Variants in MTMR12 observed in about 807,000 individuals in gnomAD.
MTMR12 encodes the protein myotubularin related protein 12, also known as myotubularin-related protein 12.
A neutral mutation model predicts 96.7 loss-of-function variants in MTMR12; 33 were observed. The ratio of observed to expected loss-of-function variants is 0.34; its 90% CI spans 0.26 to 0.46. The LOEUF (loss-of-function observed/expected upper bound fraction) is 0.46, where lower values mean the gene tolerates loss of function less well. MTMR12 is among the 20% of genes least tolerant of loss of function. The probability of loss-of-function intolerance (pLI) is 1.00; values close to 1 mark genes in which losing one functional copy is unlikely to be tolerated. For synonymous variants in MTMR12, 298 were observed against 327.2 expected (o/e 0.91, Z 0.96); for missense variants, 721 against 896.1 (o/e 0.80, Z 2.49).
At chr5:32,262,285 T>C (rs960425138) in intron 7 of MTMR12, among the ~76,000 whole-genome samples, 1 of 152,124 alleles carries the variant, frequency 6.6e-6, no homozygotes, top group Non-Finnish European at 1.5e-5. Flanking sequence ...TACACAAAAA[T>C]TTATAATTGA....
chr5:32,246,608 G>A (rs942175814), intron 10 of MTMR12, among the ~76,000 whole-genome samples: 1 of 152,124 alleles, frequency 6.6e-6, no homozygotes, highest in African/African-American at 2.4e-5. Context: ...GCAAATTAAC[G>A]TGGACAGTTT....
intron 8 of MTMR12, among the ~76,000 whole-genome samples, chr5:32,255,188 C>T (rs1193364671): frequency 6.6e-6 from 1 of 152,228 alleles, no homozygotes; most frequent in African/African-American, 2.4e-5. Context: ...CAATTCCCAA[C>T]CACCAATTAG....
intron 1 of MTMR12, among the ~76,000 whole-genome samples, chr5:32,284,152 AT>A (rs35649909): frequency 1.4e-3 from 201 of 145,290 alleles, no homozygotes; most frequent in African/African-American, 1.5e-3. Flanking sequence ...ACAAAAAAAA[AT>A]TTTTTTTTTT....
chr5:32,262,137 C>T (rs1371835150), intron 7 of MTMR12, among the ~76,000 whole-genome samples: 1 of 152,258 alleles, frequency 6.6e-6, no homozygotes, highest in East Asian at 1.9e-4. Flanking sequence ...AACTCTCATA[C>T]ACTGTTGGTA....
intron 6 of MTMR12, among the ~76,000 whole-genome samples, chr5:32,265,829 G>A (rs1282057975): frequency 6.6e-6 from 1 of 152,084 alleles, no homozygotes; most frequent in African/African-American, 2.4e-5. Flanking sequence ...ATTCTCACAA[G>A]ACTTATTGCT....
chr5:32,230,208 A>G lies in MTMR12; in HGVS notation c.1814T>C (p.Leu605Pro), dbSNP rs765570995. Residue 605 changes from leucine (L) to proline (P), a missense_variant, in exon 16 of 16, where the codon CTC (leucine) becomes CCC (proline). Coordinates refer to ENST00000382142, the MANE Select transcript of MTMR12 (RefSeq NM_001040446.3). ...ATAGAACTCTCGAAAGTTGTCTTGG[A>G]GCTCATCAGAAGAATTAATAAGTTT... is the stretch of plus-strand genomic sequence containing the variant. ...ISKLINSSDE[L>P]QDNFREFYDS... is the part of the protein sequence containing the mutation. The G allele has an allele frequency of 3.1e-6, 5 of 1,614,228 alleles. No individual in the cohort carries two copies. The South Asian group carries it at 4.4e-5, about 14-fold the overall frequency.
chr5:32,295,234 G>C (rs1473349100), intron 1 of MTMR12, among the ~76,000 whole-genome samples: 4 of 152,184 alleles, frequency 2.6e-5, no homozygotes, highest in Admixed American at 6.5e-5. Flanking sequence ...GCTGACCACA[G>C]CTCTATTCCA....
chr5:32,260,084 T>C (rs1270081555), intron 7 of MTMR12, among the ~76,000 whole-genome samples: 1 of 146,674 alleles, frequency 6.8e-6, no homozygotes, highest in African/African-American at 2.5e-5. Context: ...ATCCGACTGA[T>C]GAAGTGGAGT....
Position 32,242,111 on chromosome 5 carries a change from C to T in MTMR12, c.1117G>A (p.Ala373Thr). ...TCCATACATTCTGTAATCTCTATTGCTTTTTTCAGGCAACGTCTGAATAGG... is the reference window on the plus strand; with the variant it reads ...TCCATACATTCTGTAATCTCTATTGTTTTTTTCAGGCAACGTCTGAATAGG... ...LDIIRRCLKK[A>T]IEITECMEAQ... The change falls in exon 12 of 16, where the codon GCA (alanine) becomes ACA (threonine). Residue 373 changes from alanine (A) to threonine (T), a missense_variant. Ala to Thr is a moderately conservative substitution (Grantham distance 58). Transcript: ENST00000382142. 1.2e-6 allele frequency: 2 copies of T among 1,611,968 alleles called. No homozygotes were observed. Among genetic ancestry groups the T allele is most frequent in the Non-Finnish European group, 8.5e-7 (1 of 1,178,622 alleles).
chr5:32,228,534 GAT>G lies in MTMR12; in HGVS notation c.*1242_*1243del, dbSNP rs1554053362. On this transcript the variant is annotated 3_prime_UTR_variant, in exon 16 of 16. Transcript: ENST00000382142. ...TAAAAAAAATATATATCATATATAT[GAT>G]ATATATATCATATATATGTGATATA... 4 of 87,536 alleles carry G rather than the reference GAT, an allele frequency of 4.6e-5. No homozygotes were observed. The highest frequency in any genetic ancestry group is 8.8e-5 in the African/African-American group (2 of 22,656). The allele number at this position is 87,536 out of a possible 1,614,324, so 5.4% of individuals were successfully genotyped here.
intron 1 of MTMR12, among the ~76,000 whole-genome samples, chr5:32,294,398 G>T (rs1463167827): frequency 6.6e-6 from 1 of 151,840 alleles, no homozygotes; most frequent in Non-Finnish European, 1.5e-5. Context: ...TGCCTCCCAG[G>T]TTCAAAAGAG....
chr5:32,246,174 T>TTTTTTTTG (rs1748679218), intron 10 of MTMR12, among the ~76,000 whole-genome samples: 2 of 149,590 alleles, frequency 1.3e-5, no homozygotes, highest in Admixed American at 6.6e-5. Context: ...TAGACAGTTT[T>TTTTTTTTG]TTTTTTTTTT....
chr5:32,287,654 T>C (rs540353004), intron 1 of MTMR12, among the ~76,000 whole-genome samples: 1 of 152,262 alleles, frequency 6.6e-6, no homozygotes, highest in East Asian at 1.9e-4. Flanking sequence ...CATTCTTTCA[T>C]TTGTCGTGGG....
At chr5:32,292,225 T>C (rs888343816) in intron 1 of MTMR12, among the ~76,000 whole-genome samples, 4 of 152,142 alleles carry the variant, frequency 2.6e-5, no homozygotes, top group Non-Finnish European at 2.9e-5. Flanking sequence ...TAGAAGGCCA[T>C]GTATGCTCTG....
intron 6 of MTMR12, among the ~76,000 whole-genome samples, chr5:32,266,787 G>C (rs111981517): frequency 0.046 from 6,999 of 150,672 alleles, 540 homozygotes; most frequent in African/African-American, 0.16. Flanking sequence ...CATGTTAAGA[G>C]TAATGGATGG....
rs931695565 is a variant in MTMR12, at chr5:32,229,789, C to G, written c.2233G>C (p.Gly745Arg). The G allele has an allele frequency of 3.9e-6, 6 of 1,536,510 alleles. No individual in the cohort carries two copies. Among genetic ancestry groups the G allele is most frequent in the Non-Finnish European group, 5.3e-6 (6 of 1,141,650 alleles). ...ACTCAACAAACAGGTCACACATCCC[C>G]TAGGTCCACGAACTCATCTTCTCGT... ...AKREDEFVDLGDV is the reference protein window; with the variant it reads ...AKREDEFVDLRDV Residue 745 changes from glycine (G) to arginine (R), a missense_variant, in exon 16 of 16, where the codon GGG becomes CGG. Gly to Arg is a moderately radical substitution (Grantham distance 125). Coordinates refer to ENST00000382142, the MANE Select transcript of MTMR12 (RefSeq NM_001040446.3).
intron 10 of MTMR12, among the ~76,000 whole-genome samples, chr5:32,246,944 A>G (rs907923018): frequency 6.6e-6 from 1 of 152,188 alleles, no homozygotes; most frequent in Non-Finnish European, 1.5e-5. Context: ...ATTCATGTGT[A>G]GTTTTTTCAT....
At position 32,268,754 on chromosome 5, in the gene MTMR12, A is replaced by C; in HGVS notation, c.530T>G (p.Leu177Arg). The C allele has an allele frequency of 6.2e-7, 1 of 1,614,034 alleles. No individual in the cohort carries two copies. Among genetic ancestry groups the C allele is most frequent in the Non-Finnish European group, 8.5e-7 (1 of 1,179,900 alleles). ...GGAAAACAGAAATAATCGTTTAAGCAGTTTAGGAGCCTGGGTATGATGAAT... is the reference window on the plus strand; with the variant it reads ...GGAAAACAGAAATAATCGTTTAAGCCGTTTAGGAGCCTGGGTATGATGAAT... ...GIIHHTQAPK[L>R]LKRLFLFSYA... Residue 177 changes from leucine to arginine, a missense_variant, in exon 6 of 16, where the codon CTG becomes CGG. Leu to Arg is a moderately radical substitution (Grantham distance 102). Transcript: ENST00000382142.
At chr5:32,247,603 G>A in intron 10 of MTMR12, 8 of 405,130 alleles carry the variant, frequency 2.0e-5, no homozygotes, top group Non-Finnish European at 2.7e-5. Context: ...AAAAATTAAA[G>A]TATTTCCACT....
Sources: gnomAD v4.1 joint callset for allele counts (sites outside exome capture counted in the v4.1 genomes callset) on GRCh38, gnomAD v4.1.1 for gene constraint, MANE v1.5 for transcripts, NCBI Gene and HGNC (gene_info 2026-07-23, HGNC 2026-07-21) for gene names.